Variants in XRCC4 observed in about 807,000 individuals in gnomAD.
XRCC4 encodes the protein X-ray repair cross complementing 4, also known as DNA repair protein XRCC4.
XRCC4 carries 28 observed loss-of-function variants against 39.1 expected under a neutral mutation model. That is an observed-to-expected ratio of 0.72 (90% CI 0.53 to 0.98). The LOEUF is 0.98. Ranked by LOEUF, XRCC4 falls within the 50% of genes least tolerant of loss-of-function variation. The probability of loss-of-function intolerance (pLI) is 0.00; values close to 1 mark genes in which losing one functional copy is unlikely to be tolerated. For missense variants in XRCC4, 350 were observed against 376.4 expected (o/e 0.93, Z 0.58); for synonymous variants, 123 against 126.4 (o/e 0.97, Z 0.18).
At chr5:83,117,893 C>G (rs1239550984) in intron 3 of XRCC4, among the ~76,000 whole-genome samples, 1 of 152,004 alleles carries the variant, frequency 6.6e-6, no homozygotes, top group Non-Finnish European at 1.5e-5. Flanking sequence ...GTGCTCTCCC[C>G]TTGCCTGGAC....
intron 7 of XRCC4, among the ~76,000 whole-genome samples, chr5:83,261,532 T>G (rs562651170): frequency 1.3e-5 from 2 of 152,162 alleles, no homozygotes; most frequent in African/African-American, 2.4e-5. Context: ...ATTCCACTAT[T>G]TAGCTTCTCT....
At chr5:83,226,291 C>A (rs1028587045) in intron 6 of XRCC4, among the ~76,000 whole-genome samples, 6 of 152,026 alleles carry the variant, frequency 3.9e-5, no homozygotes, top group African/African-American at 1.4e-4. Flanking sequence ...CCATTAATTC[C>A]TTGATACTAA....
intron 6 of XRCC4, among the ~76,000 whole-genome samples, chr5:83,250,367 C>A (rs1186735104): frequency 6.6e-6 from 1 of 152,178 alleles, no homozygotes; most frequent in Non-Finnish European, 1.5e-5. Context: ...GTATTTCACA[C>A]AGATGCAAAA....
At chr5:83,143,220 A>G (rs542393646) in intron 3 of XRCC4, among the ~76,000 whole-genome samples, 1 of 152,234 alleles carries the variant, frequency 6.6e-6, no homozygotes, top group African/African-American at 2.4e-5. Context: ...TAGTTTTGTT[A>G]TTATTGTATT....
chr5:83,091,600 G>A (rs771880090), intron 1 of XRCC4, among the ~76,000 whole-genome samples: 18 of 152,300 alleles, frequency 1.2e-4, no homozygotes, highest in Non-Finnish European at 2.1e-4. Flanking sequence ...ATACATATAA[G>A]TGAGAACTGT....
At chr5:83,174,027 A>T (rs974953480) in intron 3 of XRCC4, among the ~76,000 whole-genome samples, 5 of 152,190 alleles carry the variant, frequency 3.3e-5, no homozygotes, top group African/African-American at 1.2e-4. Flanking sequence ...ATGAACTTGT[A>T]CATGTTTACT....
In XRCC4 at chr5:83,237,366, A is replaced by G. The variant is rs1375001433; in HGVS notation, c.746-21164A>G. Among the ~76,000 whole-genome samples the G allele has an allele frequency of 2.0e-5, 3 of 152,268 alleles. No individual in the cohort carries two copies. The East Asian group carries it at 5.8e-4, about 29-fold the overall frequency. On this transcript the variant is annotated intron_variant, in intron 6 of 7. Coordinates refer to ENST00000396027, the MANE Select transcript of XRCC4 (RefSeq NM_003401.5). ...AAATGTGGTACATGTACACAATAGG[A>G]TATTATGCAGCCATAAACAAGAATG...
At chr5:83,326,172 A>G (rs186579403) in intron 7 of XRCC4, among the ~76,000 whole-genome samples, 1 of 152,192 alleles carries the variant, frequency 6.6e-6, no homozygotes, top group African/African-American at 2.4e-5. Context: ...AAATGGATAG[A>G]TAGCAAAAAT....
chr5:83,335,125 A>T (rs552857814), intron 7 of XRCC4, among the ~76,000 whole-genome samples: 25 of 152,184 alleles, frequency 1.6e-4, no homozygotes, highest in African/African-American at 6.0e-4. Context: ...CTTCAAATGC[A>T]GAAATTGGCC....
intron 3 of XRCC4, among the ~76,000 whole-genome samples, chr5:83,187,433 T>A (rs900903328): frequency 6.6e-6 from 1 of 152,210 alleles, no homozygotes; most frequent in Non-Finnish European, 1.5e-5. Context: ...AAAGTCCCAC[T>A]TTACTGTGGA....
intron 6 of XRCC4, among the ~76,000 whole-genome samples, chr5:83,246,619 T>A (rs1253094012): frequency 6.6e-6 from 1 of 152,146 alleles, no homozygotes; most frequent in Non-Finnish European, 1.5e-5. Context: ...TTTCTAAATG[T>A]CAGTTTATTA....
chr5:83,310,768 A>T, intron 7 of XRCC4: 1 of 456,578 alleles, frequency 2.2e-6, no homozygotes, highest in Non-Finnish European at 4.4e-6. Flanking sequence ...CCCTAAATGC[A>T]ATTATAACTT....
At chr5:83,099,034 C>A (rs1745806439) in intron 1 of XRCC4, among the ~76,000 whole-genome samples, 1 of 151,982 alleles carries the variant, frequency 6.6e-6, no homozygotes, top group Non-Finnish European at 1.5e-5. Context: ...TTTTGGTTTG[C>A]AATTTAAATT....
intron 6 of XRCC4, among the ~76,000 whole-genome samples, chr5:83,239,229 A>G (rs553449536): frequency 1.4e-4 from 22 of 152,336 alleles, no homozygotes; most frequent in Non-Finnish European, 2.9e-4. Flanking sequence ...TTCACTCTCT[A>G]GTTAAGGAAA....
chr5:83,279,306 A>G (rs1365297797), intron 7 of XRCC4, among the ~76,000 whole-genome samples: 4 of 151,760 alleles, frequency 2.6e-5, no homozygotes, highest in Non-Finnish European at 5.9e-5. Flanking sequence ...ACTACTAGAA[A>G]TGTAGCTTAG....
chr5:83,090,801 C>T (rs1745390776), intron 1 of XRCC4, among the ~76,000 whole-genome samples: 1 of 152,184 alleles, frequency 6.6e-6, no homozygotes, highest in Non-Finnish European at 1.5e-5. Context: ...TTTGCCAACT[C>T]TGTGCGAGGA....
At chr5:83,128,410 T>C (rs1323403744) in intron 3 of XRCC4, among the ~76,000 whole-genome samples, 1 of 152,162 alleles carries the variant, frequency 6.6e-6, no homozygotes, top group Non-Finnish European at 1.5e-5. Flanking sequence ...TCTTTGCTAT[T>C]GTGAATAATG....
At chr5:83,301,079 C>G (rs962052525) in intron 7 of XRCC4, among the ~76,000 whole-genome samples, 1 of 152,104 alleles carries the variant, frequency 6.6e-6, no homozygotes, top group African/African-American at 2.4e-5. Flanking sequence ...GATTTATAAT[C>G]CTTTGGGTAT....
chr5:83,355,571 T>C (rs1757180943), downstream of XRCC4, among the ~76,000 whole-genome samples: 1 of 152,258 alleles, frequency 6.6e-6, no homozygotes, highest in Admixed American at 6.5e-5. Flanking sequence ...GAAATAATTA[T>C]TCAGAAAGCT....
Sources: allele counts gnomAD v4.1 joint callset (sites outside exome capture counted in the v4.1 genomes callset), GRCh38; gene constraint gnomAD v4.1.1; transcripts MANE v1.5; gene names NCBI Gene and HGNC (gene_info 2026-07-23, HGNC 2026-07-21).